SHPRH: variants seen among roughly 807,000 people sequenced by gnomAD.
SHPRH encodes the protein E3 ubiquitin-protein ligase SHPRH.
SHPRH carries 106 observed loss-of-function variants against 202.5 expected under a neutral mutation model. The observed-to-expected ratio is 0.52, with a 90% CI of 0.45 to 0.62. The LOEUF is 0.62. Among genes scored for constraint, SHPRH ranks in the 20% least tolerant of loss-of-function variants. The pLI is 0.00. For missense variants in SHPRH, 1,710 were observed against 2,020.0 expected (o/e 0.85, Z 2.94); for synonymous variants, 729 against 686.0 (o/e 1.06, Z -0.98).
intron 2 of SHPRH, among the ~76,000 whole-genome samples, chr6:145,873,974 G>A (rs1479794749): frequency 2.0e-5 from 3 of 152,066 alleles, no homozygotes; most frequent in Non-Finnish European, 2.9e-5. Context: ...TGAGGCAGGT[G>A]GATCACCTGA....
At chr6:145,952,703 A>G (rs1323139251) in intron 2 of SHPRH, among the ~76,000 whole-genome samples, 2 of 152,214 alleles carry the variant, frequency 1.3e-5, no homozygotes, top group Non-Finnish European at 2.9e-5. Context: ...GCTGGAAAAA[A>G]ATATTCCCCT....
chr6:145,886,478 T>TA lies in SHPRH; in HGVS notation c.*212dup. 1.1e-6 allele frequency: 1 copy of TA among 942,388 alleles called. No individual in the cohort carries two copies. Among genetic ancestry groups the TA allele is most frequent in the Non-Finnish European group, 1.7e-6 (1 of 588,776 alleles). 58.4% of individuals were successfully genotyped at this position (942,388 alleles called of 1,614,324 possible). A position where few individuals can be genotyped will look rare whatever the true frequency, so the allele number is the denominator to read the frequency against. ...AAAAATAAATGTTTTATTAGGAGTG[T>TA]AAAATTAAGAATCTTTATAGATCTT... On this transcript the variant is annotated 3_prime_UTR_variant, in exon 30 of 30. Coordinates refer to ENST00000275233, the MANE Select transcript of SHPRH (RefSeq NM_001042683.3).
chr6:145,869,015 C>G (rs1779931622), intron 2 of SHPRH, among the ~76,000 whole-genome samples: 1 of 152,182 alleles, frequency 6.6e-6, no homozygotes, highest in Non-Finnish European at 1.5e-5. Flanking sequence ...TGCATTCCCA[C>G]TAACAATGAA....
intron 23 of SHPRH, 55 bp from the exon 24 acceptor site, chr6:145,913,604 GAT>G (rs1783689619): frequency 1.4e-6 from 2 of 1,446,626 alleles, no homozygotes; most frequent in African/African-American, 1.4e-5. Flanking sequence ...TATAAAACCT[GAT>G]ATATGTTTTG....
Position 145,921,354 on chromosome 6 carries a change from T to C in SHPRH, c.3821A>G (p.Glu1274Gly). The C allele has an allele frequency of 6.2e-7, 1 of 1,612,696 alleles. No homozygotes were observed. The highest frequency in any genetic ancestry group is 8.5e-7 in the Non-Finnish European group (1 of 1,179,200). The change falls in exon 21 of 30, where the codon GAA becomes GGA. Residue 1274 changes from glutamate to glycine, a missense_variant. Transcript: ENST00000275233. The part of the protein sequence containing the change: ...GQTAIFEEMI[E>G]DEEGLVDDRA... Reference sequence around the variant, plus strand: ...ATCATCCACCAGTCCTTCTTCATCTTCTATCATCTCCTCAAATATTGCAGT... The same window carrying C: ...ATCATCCACCAGTCCTTCTTCATCTCCTATCATCTCCTCAAATATTGCAGT...
At chr6:145,862,036 T>C (rs973080015), downstream of SHPRH, among the ~76,000 whole-genome samples, 1 of 152,158 alleles carries the variant, frequency 6.6e-6, no homozygotes, top group African/African-American at 2.4e-5. Context: ...TGGTCAAAGG[T>C]TGCAAAGTTT....
chr6:145,909,119 C>A (rs1171215970), intron 25 of SHPRH: 2 of 151,982 alleles, frequency 1.3e-5, no homozygotes, highest in African/African-American at 4.8e-5. Context: ...GTTTTGGTAC[C>A]ATTCTGTTTT....
intron 2 of SHPRH, among the ~76,000 whole-genome samples, chr6:145,868,731 G>A (rs1335786448): frequency 6.6e-6 from 1 of 152,176 alleles, no homozygotes; most frequent in African/African-American, 2.4e-5. Flanking sequence ...AGGATGTACA[G>A]CCTCAGCCGT....
At chr6:145,863,822 C>G (rs2128683199), downstream of SHPRH, among the ~76,000 whole-genome samples, 1 of 152,238 alleles carries the variant, frequency 6.6e-6, no homozygotes, top group South Asian at 2.1e-4. Context: ...TCCTACTGTC[C>G]TTAGTAATTC....
At chr6:145,881,600 T>A (rs1780574266), downstream of SHPRH, 1 of 152,136 alleles carries the variant, frequency 6.6e-6, no homozygotes, top group South Asian at 2.1e-4. Context: ...AAGGTACACA[T>A]CTTGGGAGTT....
intron 11 of SHPRH, among the ~76,000 whole-genome samples, chr6:145,938,422 A>G (rs1322870395): frequency 6.6e-6 from 1 of 152,202 alleles, no homozygotes; most frequent in Non-Finnish European, 1.5e-5. Context: ...GTATCCTAAC[A>G]GCAAAAATCT....
rs755371864 is a variant in SHPRH at position 145,933,086 on chromosome 6, T to C, written c.3083A>G (p.Asn1028Ser). 10 of 1,613,822 alleles carry C rather than the reference T, an allele frequency of 6.2e-6. No homozygotes were observed. The highest frequency in any genetic ancestry group is 1.3e-5 in the African/African-American group (1 of 75,036). Residue 1028 changes from asparagine to serine, a missense_variant, in exon 14 of 30, where the codon AAT (asparagine) becomes AGT (serine). By Grantham distance (46) the Asn-to-Ser change is conservative. Around this residue, in one of 8 missense-constraint regions of SHPRH, gnomAD observed 288 missense variants for 317.8 expected, o/e 0.91. Transcript: ENST00000275233. ...AATAATATGAATGCCTGCTAAGCCA[T>C]TGAGAGCACAAACTAGCTGTCGATG... The part of the protein sequence containing the change: ...EAHRQLVCAL[N>S]GLAGIHIIKG...
At chr6:145,953,603 G>A (rs1486037826) in intron 2 of SHPRH, among the ~76,000 whole-genome samples, 1 of 152,002 alleles carries the variant, frequency 6.6e-6, no homozygotes, top group South Asian at 2.1e-4. Flanking sequence ...TAAGGTTATC[G>A]ATGCAAGAAA....
chr6:145,955,415 C>T, intron 1 of SHPRH, 61 bp from the exon 2 acceptor site: 1 of 1,435,906 alleles, frequency 7.0e-7, no homozygotes, highest in Non-Finnish European at 9.3e-7. Context: ...TTAAGGGTTA[C>T]CAGATGAGAA....
At chr6:145,911,221 C>T (rs947438200) in intron 24 of SHPRH, among the ~76,000 whole-genome samples, 2 of 152,094 alleles carry the variant, frequency 1.3e-5, no homozygotes, top group African/African-American at 4.8e-5. Context: ...CTTGCAACCT[C>T]CACCTCCAGG....
At chr6:145,913,632 A>C in intron 23 of SHPRH, 83 bp from the exon 24 acceptor site, 1 of 1,078,860 alleles carries the variant, frequency 9.3e-7, no homozygotes, top group Non-Finnish European at 1.4e-6. Context: ...CATTTATGGA[A>C]GTGAATACTG....
intron 23 of SHPRH, 127 bp from the exon 24 acceptor site, chr6:145,913,676 T>G: frequency 1.5e-6 from 1 of 645,474 alleles, no homozygotes; most frequent in Non-Finnish European, 2.5e-6. Context: ...ACAATTTAGA[T>G]GACCCATCGA....
At chr6:145,863,099 G>A (rs1381224677), downstream of SHPRH, among the ~76,000 whole-genome samples, 19 of 152,184 alleles carry the variant, frequency 1.2e-4, no homozygotes, top group Admixed American at 1.2e-3. Flanking sequence ...TGCTAGAGCT[G>A]AGGATACAAA....
At chr6:145,904,682 AGT>A (rs779908383) in intron 25 of SHPRH, 2 of 152,254 alleles carry the variant, frequency 1.3e-5, no homozygotes, top group Non-Finnish European at 2.9e-5. Flanking sequence ...GGCGTGAAGC[AGT>A]GTGACAACGT....
Sources: gnomAD v4.1 joint callset for allele counts (sites outside exome capture counted in the v4.1 genomes callset) on GRCh38, gnomAD v4.1.1 for gene constraint, gnomAD v4.1.1 regional missense constraint, MANE v1.5 for transcripts, NCBI Gene and HGNC (gene_info 2026-07-23, HGNC 2026-07-21) for gene names.